The following ZNF395 variants were observed in gnomAD, a reference collection of about 807,000 sequenced individuals.
ZNF395 encodes the protein HD gene regulatory region-binding protein 2.
In ZNF395, 20 loss-of-function variants were observed where a neutral mutation model predicts 57.7. The observed-to-expected ratio is 0.35, with a 90% CI of 0.24 to 0.50. ZNF395 has a LOEUF of 0.50. ZNF395 is among the 20% of genes least tolerant of loss of function. The pLI, the probability that ZNF395 is intolerant of heterozygous loss-of-function variation, is 0.97. For missense variants in ZNF395, 606 were observed against 671.2 expected (o/e 0.90, Z 1.07); for synonymous variants, 295 against 275.9 (o/e 1.07, Z -0.69).
intron 8 of ZNF395, among the ~76,000 whole-genome samples, chr8:28,349,560 T>C (rs985234987): frequency 1.3e-5 from 2 of 152,182 alleles, no homozygotes; most frequent in Non-Finnish European, 2.9e-5. Context: ...TGATTTACAG[T>C]GTGACACCGC....
Position 28,352,569 on chromosome 8 carries a change from A to G in ZNF395, c.920+4T>C. 1 of 1,613,850 alleles carries G rather than the reference A, an allele frequency of 6.2e-7. No homozygotes were observed. The highest frequency in any genetic ancestry group is 8.5e-7 in the Non-Finnish European group (1 of 1,179,810). ...TAGGCTAGAGGCCCTGGGCTCGCACATACCCCAGATGGAGGGCTTTGACGT... is the reference window on the plus strand; with the variant it reads ...TAGGCTAGAGGCCCTGGGCTCGCACGTACCCCAGATGGAGGGCTTTGACGT... On this transcript the variant is annotated splice_donor_region_variant and intron_variant, in intron 6 of 9. Coordinates refer to ENST00000344423, the MANE Select transcript of ZNF395 (RefSeq NM_018660.3). This position sits in a 1 kb window ranked among gnomAD's most constrained non-coding sequence, Gnocchi z 4.0.
rs1474479451 is a variant in ZNF395, at chr8:28,356,572, G to A, written c.583+98C>T. On this transcript the variant is annotated intron_variant, in intron 4 of 9. Coordinates refer to ENST00000344423, the MANE Select transcript of ZNF395 (RefSeq NM_018660.3). This position sits in a 1 kb window ranked among gnomAD's most constrained non-coding sequence, Gnocchi z 4.0. The stretch of plus-strand genomic sequence containing the variant: ...GGGAGGTGTCCCTGGACATTCTATT[G>A]CCAGGCTGGTGACATAGGCAACTAG... 9.8e-6 allele frequency: 8 copies of A among 818,458 alleles called. No homozygotes were observed. The highest frequency in any genetic ancestry group is 3.9e-6 in the Non-Finnish European group (2 of 514,724). 50.7% of individuals were successfully genotyped at this position (818,458 alleles called of 1,614,324 possible).
intron 8 of ZNF395, 31 bp downstream of exon 8, chr8:28,350,033 G>C: frequency 6.5e-7 from 1 of 1,547,750 alleles, no homozygotes; most frequent in South Asian, 1.2e-5. Flanking sequence ...TCGGCCATAC[G>C]AGGCCCCAGC....
rs1051616433 is a variant in ZNF395 at position 28,347,893 on chromosome 8, A to G, written c.*826T>C. The G allele has an allele frequency of 2.6e-5, 4 of 152,214 alleles. No homozygotes were observed. Among genetic ancestry groups the G allele is most frequent in the African/African-American group, 9.6e-5 (4 of 41,452 alleles). The allele number at this position is 152,214 out of a possible 1,614,324, so 9.4% of individuals were successfully genotyped here. On this transcript the variant is annotated 3_prime_UTR_variant, in exon 10 of 10. Coordinates refer to ENST00000344423, the MANE Select transcript of ZNF395 (RefSeq NM_018660.3). Reference sequence around the variant, plus strand: ...AGGGTGCTTCCTCGGGTCAGAGCAGAGAGTTTCCAGACGCTCAAACCCTCC... The same window carrying G: ...AGGGTGCTTCCTCGGGTCAGAGCAGGGAGTTTCCAGACGCTCAAACCCTCC...
intron 1 of ZNF395, among the ~76,000 whole-genome samples, chr8:28,369,694 C>T (rs892604317): frequency 2.0e-5 from 3 of 152,244 alleles, no homozygotes; most frequent in Admixed American, 6.5e-5. Context: ...CCAGGTGGGG[C>T]CTGGCCAGCC....
Position 28,353,398 on chromosome 8 carries a change from C to A in ZNF395, c.594G>T (p.Ala198=). 5 of 1,536,668 alleles carry A rather than the reference C, an allele frequency of 3.3e-6. No individual in the cohort carries two copies. The highest frequency in any genetic ancestry group is 3.5e-6 in the Non-Finnish European group (4 of 1,141,184). ...CACTCTCCTTCCATGGGTCGCAGGCCGCACGGGAAGCTGGCCAGATGAAGA... is the reference window on the plus strand; with the variant it reads ...CACTCTCCTTCCATGGGTCGCAGGCAGCACGGGAAGCTGGCCAGATGAAGA... The part of the protein sequence containing the change: ...GTEANFSASR[A]ACDPWKESGD... Residue 198 remains alanine, a synonymous_variant, in exon 5 of 10, where the codon GCG becomes GCT. Transcript: ENST00000344423.
intron 4 of ZNF395, 60 bp from the exon 5 acceptor site, chr8:28,353,468 C>A: frequency 7.6e-7 from 1 of 1,323,624 alleles, no homozygotes; most frequent in East Asian, 2.5e-5. Flanking sequence ...GCAAACTCTC[C>A]CTTCTGAGCT....
intron 1 of ZNF395, 72 bp from the exon 2 acceptor site, chr8:28,361,254 T>A: frequency 7.7e-7 from 1 of 1,306,472 alleles, no homozygotes; most frequent in Non-Finnish European, 1.1e-6. Flanking sequence ...CTAAAATAAG[T>A]GAACCCTTTA....
chr8:28,362,585 T>C (rs941420971), intron 1 of ZNF395, among the ~76,000 whole-genome samples: 2 of 150,976 alleles, frequency 1.3e-5, no homozygotes, highest in African/African-American at 4.9e-5. Flanking sequence ...AAGACACCTG[T>C]GGCACAGCCC....
intron 1 of ZNF395, among the ~76,000 whole-genome samples, chr8:28,367,057 T>C (rs966693115): frequency 1.3e-5 from 2 of 152,180 alleles, no homozygotes; most frequent in African/African-American, 2.4e-5. Context: ...ACTGAGCATA[T>C]TGGTGATTGA....
intron 1 of ZNF395, chr8:28,375,488 T>C (rs1483050379): frequency 2.0e-5 from 3 of 151,846 alleles, no homozygotes; most frequent in African/African-American, 7.3e-5. Context: ...GTACTTCTGG[T>C]TGGGGGTGGG....
chr8:28,352,819 A>G lies in ZNF395; in HGVS notation c.820-146T>C, dbSNP rs1801733829. 1 of 665,970 alleles carries G rather than the reference A, an allele frequency of 1.5e-6. No homozygotes were observed. The highest frequency in any genetic ancestry group is 2.6e-6 in the Non-Finnish European group (1 of 389,986). 41.3% of individuals were successfully genotyped at this position (665,970 alleles called of 1,614,324 possible). On this transcript the variant is annotated intron_variant, in intron 5 of 9. Transcript: ENST00000344423. The surrounding 1 kb of genome is among the most constrained non-coding windows in gnomAD (Gnocchi z 4.0). Reference sequence around the variant, plus strand: ...AAAGGGGTTCTCTGGGACCAGAGAAACTTACAACCAGGGGCTAGAAAGCCC... The same window carrying G: ...AAAGGGGTTCTCTGGGACCAGAGAAGCTTACAACCAGGGGCTAGAAAGCCC...
chr8:28,383,797 C>T (rs867567236), intron 1 of ZNF395, among the ~76,000 whole-genome samples: 2 of 152,124 alleles, frequency 1.3e-5, no homozygotes, highest in African/African-American at 4.8e-5. Context: ...CCCCCCTGGG[C>T]TCCCCCATCT....
At position 28,351,073 on chromosome 8, in the gene ZNF395, G is replaced by A. The variant is rs562075408; in HGVS notation, c.1233+422C>T. 1.7e-3 allele frequency among the ~76,000 whole-genome samples: 246 copies of A among 145,228 alleles called. 2 individuals are homozygous for A. The highest frequency in any genetic ancestry group is 6.7e-3 in the African/African-American group (234 of 35,058). On this transcript the variant is annotated intron_variant, in intron 7 of 9. Coordinates refer to ENST00000344423, the MANE Select transcript of ZNF395 (RefSeq NM_018660.3). ...GCAGGGACTAAGCCTTCTTCAACCT[G>A]AAAGTCTTACTTAGTCCAATTCTTG...
rs772765571 is a variant in ZNF395 at position 28,349,247 on chromosome 8, G to T, written c.1327-19C>A. 3 of 1,516,538 alleles carry T rather than the reference G, an allele frequency of 2.0e-6. No individual in the cohort carries two copies. The highest frequency in any genetic ancestry group is 1.8e-6 in the Non-Finnish European group (2 of 1,132,830). The allele number at this position is 1,516,538 out of a possible 1,614,324, so 93.9% of individuals were successfully genotyped here. On this transcript the variant is annotated intron_variant, in intron 8 of 9. Transcript: ENST00000344423. ...TCCGGACCTGGGCGTGGGGAGAGGGGCTGTGAGCACAGGGACATTCAGGAA... is the reference window on the plus strand; with the variant it reads ...TCCGGACCTGGGCGTGGGGAGAGGGTCTGTGAGCACAGGGACATTCAGGAA...
chr8:28,351,510 T>C lies in ZNF395; in HGVS notation c.1218A>G (p.Ala406=). Residue 406 remains alanine, a synonymous_variant, in exon 7 of 10, where the codon GCA becomes GCG. Coordinates refer to ENST00000344423, the MANE Select transcript of ZNF395 (RefSeq NM_018660.3). ...CGCCCCATACCTGGTATGCATGATC[T>C]GCCTGAATGTGCCAGAAGGACCCAG... ...SAPGSFWHIQ[A]DHAYQALPSF... The C allele has an allele frequency of 6.2e-7, 1 of 1,603,864 alleles. No individual in the cohort carries two copies. Among genetic ancestry groups the C allele is most frequent in the Non-Finnish European group, 8.5e-7 (1 of 1,172,348 alleles).
chr8:28,348,762 G>A lies in ZNF395; in HGVS notation c.1499C>T (p.Thr500Met), dbSNP rs747211899. ...GCAGGCCTTCTTCCACCGGCAGGCC[G>A]TGCACCACTGGTCCCGGTGCTCGAT... ...YGIEHRDQWC[T>M]ACRWKKACQR... Residue 500 changes from threonine to methionine, a missense_variant, in exon 10 of 10, where the codon ACG becomes ATG. This residue lies in a region of ZNF395 where 36 missense variants were observed against 56.2 expected (regional missense o/e 0.64). Transcript: ENST00000344423. 1.5e-5 allele frequency: 24 copies of A among 1,613,950 alleles called. No homozygotes were observed. The highest frequency in any genetic ancestry group is 3.3e-5 in the South Asian group (3 of 91,086).
rs996684818 is a variant in ZNF395 at position 28,352,851 on chromosome 8, A to G, written c.820-178T>C. Among the ~76,000 whole-genome samples, 6 of 152,064 alleles carry G rather than the reference A, an allele frequency of 3.9e-5. No individual in the cohort carries two copies. The highest frequency in any genetic ancestry group is 7.4e-5 in the Non-Finnish European group (5 of 67,986). The stretch of plus-strand genomic sequence containing the variant: ...ACCAGGGGCTAGAAAGCCCCAATCT[A>G]AGAGATGGTCCTAGTGGCCAACAGC... On this transcript the variant is annotated intron_variant, in intron 5 of 9. Transcript: ENST00000344423. The surrounding 1 kb of genome is among the most constrained non-coding windows in gnomAD (Gnocchi z 4.0).
chr8:28,374,641 A>G (rs2129986216), intron 1 of ZNF395, among the ~76,000 whole-genome samples: 1 of 152,286 alleles, frequency 6.6e-6, no homozygotes, highest in Middle Eastern at 3.4e-3. Flanking sequence ...TCTTGTTTCA[A>G]TATTACAAGC....
Sources: gnomAD v4.1 joint callset for allele counts (sites outside exome capture counted in the v4.1 genomes callset) on GRCh38, gnomAD v4.1.1 for gene constraint, gnomAD v4.1.1 regional missense constraint, Gnocchi (gnomAD v3.1) non-coding constraint, MANE v1.5 for transcripts, NCBI Gene and HGNC (gene_info 2026-07-23, HGNC 2026-07-21) for gene names.